Variants in KMT2C observed in about 807,000 individuals in gnomAD.
The protein encoded by KMT2C is histone-lysine N-methyltransferase 2C.
KMT2C carries 88 observed loss-of-function variants against 507.9 expected under a neutral mutation model. That is an observed-to-expected ratio of 0.17 (90% CI 0.15 to 0.21). The LOEUF (loss-of-function observed/expected upper bound fraction) is 0.21. KMT2C is among the 10% of genes least tolerant of loss of function. The pLI, the probability that KMT2C is intolerant of heterozygous loss-of-function variation, is 1.00. For synonymous variants in KMT2C, 2,049 were observed against 2,080.8 expected (o/e 0.98, Z 0.42); for missense variants, 4,954 against 5,957.8 (o/e 0.83, Z 5.55).
chr7:152,263,052 A>G lies in KMT2C; in HGVS notation c.1263T>C (p.Val421=). Residue 421 remains valine (V), a synonymous_variant, in exon 9 of 59, where the codon GTT becomes GTC. Coordinates refer to ENST00000262189, the MANE Select transcript of KMT2C (RefSeq NM_170606.3). ...AGCCATTGGTTGGTACTGATTTCAT[A>G]ACTGGTTGAAGACAAAAAGTATGAT... ...KGYHTFCLQP[V]MKSVPTNGWK... is the part of the protein sequence containing the mutation. The G allele has an allele frequency of 6.2e-7, 1 of 1,613,076 alleles. No homozygotes were observed. Among genetic ancestry groups the G allele is most frequent in the African/African-American group, 1.3e-5 (1 of 75,018 alleles).
At chr7:152,206,370 G>A (rs533921907) in intron 24 of KMT2C, among the ~76,000 whole-genome samples, 5 of 152,052 alleles carry the variant, frequency 3.3e-5, no homozygotes, top group African/African-American at 1.2e-4. Context: ...TCATGATCAG[G>A]AAGAAATGAA....
chr7:152,282,329 T>C (rs1284686471), intron 6 of KMT2C, among the ~76,000 whole-genome samples: 2 of 149,282 alleles, frequency 1.3e-5, no homozygotes, highest in Non-Finnish European at 3.0e-5. Context: ...GAAAAGAAAG[T>C]AGCCACTTTG....
In KMT2C at chr7:152,277,338, G is replaced by A. The variant is rs2096100779; in HGVS notation, c.850-3471C>T. Among the ~76,000 whole-genome samples the A allele has an allele frequency of 2.0e-5, 3 of 152,082 alleles. No individual in the cohort carries two copies. In the South Asian group the frequency reaches 6.2e-4, roughly 32 times the overall value. On this transcript the variant is annotated intron_variant, in intron 6 of 58. Transcript: ENST00000262189. ...CAAAGATGGAAAGTAAGAGAAAGAG[G>A]TAGAATGACATGAAAATCTGATCCA...
intron 1 of KMT2C, among the ~76,000 whole-genome samples, chr7:152,382,901 G>A (rs1201031531): frequency 1.3e-5 from 2 of 151,994 alleles, no homozygotes; most frequent in African/African-American, 2.4e-5. Context: ...TTGAGGTGGA[G>A]GGGAAAATTC....
At chr7:152,423,132 G>T (rs2097788420) in intron 1 of KMT2C, among the ~76,000 whole-genome samples, 1 of 152,104 alleles carries the variant, frequency 6.6e-6, no homozygotes. Flanking sequence ...CCAGAGGTCA[G>T]GAGTTCGTAC....
chr7:152,272,383 G>A (rs1311370261), intron 7 of KMT2C, among the ~76,000 whole-genome samples: 1 of 152,090 alleles, frequency 6.6e-6, no homozygotes. Flanking sequence ...GTTTGCTGAG[G>A]TCTAAAGCAT....
chr7:152,345,415 C>G (rs1445763369), intron 2 of KMT2C, among the ~76,000 whole-genome samples: 3 of 152,134 alleles, frequency 2.0e-5, no homozygotes, highest in Non-Finnish European at 4.4e-5. Flanking sequence ...GCACTCCAAC[C>G]TGGGTGATAC....
chr7:152,205,976 G>A (rs191980312), intron 24 of KMT2C, among the ~76,000 whole-genome samples: 1 of 152,220 alleles, frequency 6.6e-6, no homozygotes, highest in Non-Finnish European at 1.5e-5. Context: ...AAGGTATGAG[G>A]GCATTTATAC....
chr7:152,135,056 C>T lies in KMT2C; in HGVS notation c.*1776G>A, dbSNP rs2089768103. On this transcript the variant is annotated 3_prime_UTR_variant, in exon 59 of 59. Transcript: ENST00000262189. ...CAACATTAGATACTATTATACAGAA[C>T]AGAAAACAACAAAAACCCGGTAGGA... The T allele has an allele frequency of 4.4e-6, 1 of 229,052 alleles. No homozygotes were observed. The highest frequency in any genetic ancestry group is 8.7e-6 in the Non-Finnish European group (1 of 115,340). The allele number at this position is 229,052 out of a possible 1,614,324, so 14.2% of individuals were successfully genotyped here.
intron 1 of KMT2C, among the ~76,000 whole-genome samples, chr7:152,424,730 G>A (rs1322993421): frequency 3.3e-5 from 5 of 152,012 alleles, no homozygotes; most frequent in South Asian, 4.2e-4. Context: ...CGGCCCCTTC[G>A]CTAATCTTAC....
intron 46 of KMT2C, 92 bp downstream of exon 46, chr7:152,155,818 C>G: frequency 8.3e-7 from 1 of 1,206,040 alleles, no homozygotes; most frequent in Non-Finnish European, 1.2e-6. Flanking sequence ...TTTTTACATG[C>G]TATTCCTAAA....
rs372226715 is a variant in KMT2C at position 152,249,943 on chromosome 7, G to T, written c.1746C>A (p.Val582=). ...GACTCTTCTGTTGCTCTTCAGTGTG[G>T]ACTTGAACCGCTGTGAGTAACACAT... ...TPGIVPDAVQ[V]HTEEQQKSHP... is the part of the protein sequence containing the mutation. The change falls in exon 13 of 59, where the codon GTC becomes GTA. Residue 582 remains valine (V), a synonymous_variant. Coordinates refer to ENST00000262189, the MANE Select transcript of KMT2C (RefSeq NM_170606.3). The T allele has an allele frequency of 2.2e-5, 36 of 1,607,302 alleles. No individual in the cohort carries two copies. The highest frequency in any genetic ancestry group is 6.6e-5 in the South Asian group (6 of 90,922).
chr7:152,204,421 C>A (rs1458069030), intron 25 of KMT2C, among the ~76,000 whole-genome samples: 1 of 152,028 alleles, frequency 6.6e-6, no homozygotes, highest in Non-Finnish European at 1.5e-5. Context: ...AAAGTGAGAC[C>A]CTGTCTTTGC....
At chr7:152,295,960 C>T (rs1459599678) in intron 6 of KMT2C, among the ~76,000 whole-genome samples, 4 of 147,160 alleles carry the variant, frequency 2.7e-5, no homozygotes, top group Middle Eastern at 3.6e-3. Flanking sequence ...CCCAGCTACT[C>T]GGGAGGCTGA....
intron 9 of KMT2C, among the ~76,000 whole-genome samples, chr7:152,255,151 ATATATATGTG>A (rs1268708089): frequency 2.2e-5 from 3 of 134,354 alleles, no homozygotes; most frequent in African/African-American, 8.8e-5. Context: ...ATATACATAT[ATATATATGTG>A]TGTGTGTGTG....
chr7:152,428,889 A>G (rs2097844923), intron 1 of KMT2C, among the ~76,000 whole-genome samples: 1 of 152,098 alleles, frequency 6.6e-6, no homozygotes, highest in African/African-American at 2.4e-5. Context: ...CTCCCTGTAA[A>G]CAGTTTATAA....
intron 42 of KMT2C, among the ~76,000 whole-genome samples, chr7:152,165,933 C>T (rs1368094029): frequency 6.6e-6 from 1 of 152,196 alleles, no homozygotes; most frequent in African/African-American, 2.4e-5. Flanking sequence ...GGTGATCCGC[C>T]TGTCTTGGCT....
rs147521678 is a variant in KMT2C, at chr7:152,333,051, A to G, written c.251-2312T>C. Among the ~76,000 whole-genome samples, 182 of 152,344 alleles carry G rather than the reference A, an allele frequency of 1.2e-3. 1 individual carries two copies. In the Middle Eastern group the frequency reaches 0.014, roughly 11 times the overall value. ...TTCTATCTTTTATAAGCACAGAGAT[A>G]TAATAGTCTAATATCTATCTCTTCA... On this transcript the variant is annotated intron_variant, in intron 2 of 58. Transcript: ENST00000262189.
chr7:152,429,041 A>T (rs902882286), intron 1 of KMT2C, among the ~76,000 whole-genome samples: 8 of 151,996 alleles, frequency 5.3e-5, no homozygotes, highest in Non-Finnish European at 1.2e-4. Context: ...TTCCCTCAAT[A>T]ATTTCATTCA....
Sources: gnomAD v4.1 joint callset for allele counts (sites outside exome capture counted in the v4.1 genomes callset) on GRCh38, gnomAD v4.1.1 for gene constraint, MANE v1.5 for transcripts, NCBI Gene and HGNC (gene_info 2026-07-23, HGNC 2026-07-21) for gene names.